Variants in APAF1 observed in about 807,000 individuals in gnomAD.
The protein encoded by APAF1 is apoptotic protease-activating factor 1.
A neutral mutation model predicts 152.4 loss-of-function variants in APAF1; 91 were observed. That is an observed-to-expected ratio of 0.60 (90% CI 0.50 to 0.71). The LOEUF (loss-of-function observed/expected upper bound fraction) is 0.71. APAF1 is among the 30% of genes least tolerant of loss of function. The pLI, the probability that APAF1 is intolerant of heterozygous loss-of-function variation, is 0.00. For synonymous variants in APAF1, 484 were observed against 494.1 expected (o/e 0.98, Z 0.27); for missense variants, 1,283 against 1,472.0 (o/e 0.87, Z 2.10).
intron 20 of APAF1, among the ~76,000 whole-genome samples, chr12:98,710,186 T>G (rs1046061375): frequency 8.6e-5 from 13 of 151,232 alleles, no homozygotes; most frequent in African/African-American, 9.7e-5. Flanking sequence ...AGGGTTTTTT[T>G]TTTTTTTTTT....
chr12:98,677,592 T>G (rs1282011740), intron 13 of APAF1, 41 bp downstream of exon 13: 1 of 1,613,602 alleles, frequency 6.2e-7, no homozygotes. Context: ...GAGGCATGTA[T>G]CCAGTTTTGT....
chr12:98,646,840 G>A (rs1326999082), intron 1 of APAF1, among the ~76,000 whole-genome samples: 1 of 152,184 alleles, frequency 6.6e-6, no homozygotes, highest in African/African-American at 2.4e-5. Context: ...TATAAAGGCT[G>A]TTATTCTTTC....
At chr12:98,712,661 T>G in intron 21 of APAF1, 1 of 499,624 alleles carries the variant, frequency 2.0e-6, no homozygotes, top group Non-Finnish European at 3.6e-6. Context: ...GGACTAAAGG[T>G]GTACGTCACC....
Position 98,683,167 on chromosome 12 carries a change from C to G in APAF1, c.2071C>G (p.Leu691Val), listed in dbSNP as rs1331761793. The stretch of plus-strand genomic sequence containing the variant: ...GATTTGGAATTCTATGACTGGGGAA[C>G]TAGTACACACCTATGATGAGCACTC... ...VKIWNSMTGE[L>V]VHTYDEHSEQ... The change falls in exon 15 of 27, where the codon CTA becomes GTA. Residue 691 changes from leucine to valine, a missense_variant. Transcript: ENST00000551964. 1 of 1,612,648 alleles carries G rather than the reference C, an allele frequency of 6.2e-7. No homozygotes were observed. Among genetic ancestry groups the G allele is most frequent in the African/African-American group, 1.3e-5 (1 of 74,836 alleles).
intron 20 of APAF1, among the ~76,000 whole-genome samples, chr12:98,709,532 T>C (rs118005084): frequency 0.037 from 5,679 of 152,284 alleles, 160 homozygotes; most frequent in Middle Eastern, 0.13. Context: ...GTCGTTGCAT[T>C]GACAGAGATG....
chr12:98,666,531 A>G (rs1201686146), intron 9 of APAF1, among the ~76,000 whole-genome samples, 174 bp downstream of exon 9: 1 of 152,244 alleles, frequency 6.6e-6, no homozygotes, highest in Non-Finnish European at 1.5e-5. Context: ...GAAAATTAAC[A>G]TTGATACAAT....
intron 12 of APAF1, among the ~76,000 whole-genome samples, chr12:98,674,439 GTCTCTCTC>G (rs34546993): frequency 6.7e-6 from 1 of 149,268 alleles, no homozygotes; most frequent in African/African-American, 2.5e-5. Context: ...TGAAGTGGAG[GTCTCTCTC>G]TCTCTCTCTC....
intron 26 of APAF1, among the ~76,000 whole-genome samples, chr12:98,731,816 T>C (rs1346898508): frequency 6.6e-6 from 1 of 152,196 alleles, no homozygotes; most frequent in Non-Finnish European, 1.5e-5. Context: ...AATTCAGTGA[T>C]TGGGAAGGAA....
chr12:98,726,331 CAGA>C (rs1484185475), intron 25 of APAF1: 8 of 152,392 alleles, frequency 5.2e-5, no homozygotes, highest in African/African-American at 1.9e-4. Flanking sequence ...CTAGTTGTGT[CAGA>C]AGAATTGGGG....
intron 13 of APAF1, among the ~76,000 whole-genome samples, chr12:98,679,517 G>A (rs971859785): frequency 6.6e-6 from 1 of 152,214 alleles, no homozygotes; most frequent in Non-Finnish European, 1.5e-5. Context: ...CCACTGAATG[G>A]TGAGGCTAAA....
At chr12:98,682,149 G>T (rs1337007708) in intron 14 of APAF1, among the ~76,000 whole-genome samples, 4 of 151,736 alleles carry the variant, frequency 2.6e-5, no homozygotes, top group African/African-American at 4.8e-5. Flanking sequence ...CGACTCCCGG[G>T]TTCATGCCAT....
chr12:98,647,328 C>G (rs1002447439), intron 1 of APAF1, among the ~76,000 whole-genome samples: 1 of 149,998 alleles, frequency 6.7e-6, no homozygotes. Flanking sequence ...TCAAACATTT[C>G]GATGAATAAA....
At chr12:98,664,100 A>G (rs1211641915) in intron 7 of APAF1, among the ~76,000 whole-genome samples, 1 of 151,718 alleles carries the variant, frequency 6.6e-6, no homozygotes. Flanking sequence ...GCTCACTGCA[A>G]CCTCTGCTGC....
intron 16 of APAF1, 40 bp downstream of exon 16, chr12:98,686,913 G>A: frequency 6.3e-7 from 1 of 1,592,942 alleles, no homozygotes; most frequent in South Asian, 1.1e-5. Flanking sequence ...TGTATTTTAT[G>A]GAAAGTCTTA....
chr12:98,712,639 C>T (rs759184606), intron 21 of APAF1: 43 of 542,674 alleles, frequency 7.9e-5, no homozygotes, highest in Non-Finnish European at 1.1e-4. Flanking sequence ...ACTTAAGCCT[C>T]CTGAGTAGCT....
chr12:98,714,064 G>A (rs2097731161), intron 21 of APAF1, among the ~76,000 whole-genome samples: 1 of 152,170 alleles, frequency 6.6e-6, no homozygotes, highest in African/African-American at 2.4e-5. Flanking sequence ...TATGTTTACA[G>A]GTGAACCTTA....
At chr12:98,729,560 C>T (rs750610991) in intron 26 of APAF1, among the ~76,000 whole-genome samples, 6 of 152,214 alleles carry the variant, frequency 3.9e-5, no homozygotes, top group Non-Finnish European at 8.8e-5. Context: ...AGACCAGTAC[C>T]GGTCCATGGC....
intron 19 of APAF1, among the ~76,000 whole-genome samples, chr12:98,707,473 G>A (rs2097722674): frequency 6.6e-6 from 1 of 151,912 alleles, no homozygotes; most frequent in Non-Finnish European, 1.5e-5. Context: ...TTTTCTAGTG[G>A]TGCTTATCAA....
chr12:98,665,866 A>G, intron 8 of APAF1, 75 bp downstream of exon 8: 2 of 1,299,452 alleles, frequency 1.5e-6, no homozygotes, highest in Non-Finnish European at 2.2e-6. Context: ...GCATGTTGTT[A>G]CAGAGAACCT....
Sources: allele counts gnomAD v4.1 joint callset (sites outside exome capture counted in the v4.1 genomes callset), GRCh38; gene constraint gnomAD v4.1.1; transcripts MANE v1.5; gene names NCBI Gene and HGNC (gene_info 2026-07-23, HGNC 2026-07-21).